The following IFIH1 variants were observed in gnomAD, a reference collection of about 807,000 sequenced individuals.
IFIH1 encodes interferon induced with helicase C domain 1, also known as interferon-induced helicase C domain-containing protein 1.
A neutral mutation model predicts 107.4 loss-of-function variants in IFIH1; 125 were observed. That is an observed-to-expected ratio of 1.16 (90% CI 1.01 to 1.35). The LOEUF is 1.35. IFIH1 is among the 40% of genes most tolerant of loss of function. The pLI, the probability that IFIH1 is intolerant of heterozygous loss-of-function variation, is 0.00. For missense variants in IFIH1, 1,333 were observed against 1,213.7 expected (o/e 1.10, Z -1.46); for synonymous variants, 458 against 413.2 (o/e 1.11, Z -1.31).
chr2:162,292,996 T>C (rs984848166), intron 4 of IFIH1, among the ~76,000 whole-genome samples: 2 of 151,890 alleles, frequency 1.3e-5, no homozygotes, highest in Non-Finnish European at 2.9e-5. Flanking sequence ...CTCTCATTTA[T>C]TGCTGGTGGA....
intron 3 of IFIH1, among the ~76,000 whole-genome samples, chr2:162,296,488 G>A (rs895630659): frequency 6.6e-6 from 1 of 152,116 alleles, no homozygotes; most frequent in Non-Finnish European, 1.5e-5. Flanking sequence ...GATATATCCA[G>A]ATCACACAGC....
intron 3 of IFIH1, among the ~76,000 whole-genome samples, chr2:162,300,709 G>A (rs1277549358): frequency 6.6e-6 from 1 of 152,148 alleles, no homozygotes; most frequent in South Asian, 2.1e-4. Context: ...GTAAAGGAGT[G>A]CTCTTACTTC....
chr2:162,286,433 T>C (rs1341039855), intron 5 of IFIH1, among the ~76,000 whole-genome samples: 2 of 151,902 alleles, frequency 1.3e-5, no homozygotes, highest in East Asian at 3.9e-4. Flanking sequence ...CCTGCAGAAG[T>C]GAGAGAACCA....
At chr2:162,308,198 T>A (rs1558875438) in intron 2 of IFIH1, among the ~76,000 whole-genome samples, 1 of 152,140 alleles carries the variant, frequency 6.6e-6, no homozygotes, top group Non-Finnish European at 1.5e-5. Context: ...AAGATCAAGG[T>A]GACAGCAGGG....
At position 162,288,189 on chromosome 2, in the gene IFIH1, T is replaced by G. The variant is rs183412282; in HGVS notation, c.1041A>C (p.Leu347Phe). 4.2e-5 allele frequency: 67 copies of G among 1,612,756 alleles called. No individual in the cohort carries two copies. The East Asian group carries it at 1.1e-3, about 27-fold the overall frequency. ...GCTCAGATGCTTTTTTCTTCTTGTC[T>G]AAGTGATCCTTGGCAATGTAAACAG... The part of the protein sequence containing the change: ...RVAVYIAKDH[L>F]DKKKKASEPG... Residue 347 changes from leucine (L) to phenylalanine (F), a missense_variant, in exon 5 of 16, where the codon TTA (leucine) becomes TTC (phenylalanine). By Grantham distance (22) the Leu-to-Phe change is conservative. Transcript: ENST00000649979.
chr2:162,314,424 C>CT (rs1355757570), intron 1 of IFIH1, among the ~76,000 whole-genome samples: 891 of 60,728 alleles, frequency 0.015, 11 homozygotes, highest in East Asian at 0.042. Flanking sequence ...TCTTTTCTTT[C>CT]TTTCTTTCTT....
intron 5 of IFIH1, among the ~76,000 whole-genome samples, chr2:162,286,359 T>C (rs1205571224): frequency 1.3e-5 from 2 of 151,904 alleles, no homozygotes; most frequent in Non-Finnish European, 2.9e-5. Context: ...TGAATACAAA[T>C]AGGGCTTTCT....
chr2:162,282,785 C>A (rs1682834180), intron 5 of IFIH1, among the ~76,000 whole-genome samples: 1 of 151,810 alleles, frequency 6.6e-6, no homozygotes, highest in African/African-American at 2.4e-5. Flanking sequence ...ATGTCTGGGA[C>A]ACAAAGATAT....
In IFIH1 at chr2:162,304,800, G is replaced by A. The variant is rs373871206; in HGVS notation, c.769+1909C>T. ...GAACATGATAATATTATTCATTCTCGTAGAAGAGAATTCAGGGAAATAAGC... is the reference window on the plus strand; with the variant it reads ...GAACATGATAATATTATTCATTCTCATAGAAGAGAATTCAGGGAAATAAGC... On this transcript the variant is annotated intron_variant, in intron 3 of 15. Transcript: ENST00000649979. Among the ~76,000 whole-genome samples the A allele has an allele frequency of 3.1e-3, 472 of 152,208 alleles. 29 individuals carry two copies. The South Asian group carries it at 0.095, about 31-fold the overall frequency.
chr2:162,281,249 T>C (rs1182509828), intron 7 of IFIH1, 79 bp downstream of exon 7: 14 of 1,097,220 alleles, frequency 1.3e-5, no homozygotes, highest in African/African-American at 4.8e-5. Flanking sequence ...TTGAACTCAA[T>C]CTTATTTAAT....
chr2:162,309,072 A>G (rs1172202970), intron 2 of IFIH1, among the ~76,000 whole-genome samples: 2 of 152,170 alleles, frequency 1.3e-5, no homozygotes, highest in African/African-American at 2.4e-5. Context: ...CAAAAAGGAG[A>G]TATAGGAAAG....
chr2:162,309,913 C>A (rs1683360972), intron 2 of IFIH1, among the ~76,000 whole-genome samples: 1 of 152,304 alleles, frequency 6.6e-6, no homozygotes, highest in Non-Finnish European at 1.5e-5. Flanking sequence ...CATTTTATAA[C>A]AAGGATCACC....
rs1016842161 is a variant in IFIH1 at position 162,289,807 on chromosome 2, T to C, written c.875-1452A>G. Among the ~76,000 whole-genome samples, 9 of 151,970 alleles carry C rather than the reference T, an allele frequency of 5.9e-5. No individual in the cohort carries two copies. In the East Asian group the frequency reaches 1.7e-3, roughly 29 times the overall value. On this transcript the variant is annotated intron_variant, in intron 4 of 15. Transcript: ENST00000649979. ...TTGGATCATCTGCTGATTCATTCAA[T>C]ATGATTTTTATGAAAAACTCATTTA...
Position 162,273,951 on chromosome 2 carries a change from A to G in IFIH1, c.2305-7T>C. On this transcript the variant is annotated splice_region_variant and splice_polypyrimidine_tract_variant and intron_variant, in intron 11 of 15. Transcript: ENST00000649979. ...TGACTTCTTTTTGTTCATTCTGTAG[A>G]AACATTTTAATAAATTAAATTTTGT... 1 of 1,563,392 alleles carries G rather than the reference A, an allele frequency of 6.4e-7. No individual in the cohort carries two copies. Among genetic ancestry groups the G allele is most frequent in the Non-Finnish European group, 8.8e-7 (1 of 1,142,162 alleles).
Position 162,277,702 on chromosome 2 carries a change from A to C in IFIH1, c.1766-9T>G. On this transcript the variant is annotated splice_polypyrimidine_tract_variant and intron_variant, in intron 9 of 15. Coordinates refer to ENST00000649979, the MANE Select transcript of IFIH1 (RefSeq NM_022168.4). Reference sequence around the variant, plus strand: ...ATTTCCTTCTTTTGCAGCTGTGAAAAAATATATTATGTAAGTGAAATAATA... The same window carrying C: ...ATTTCCTTCTTTTGCAGCTGTGAAACAATATATTATGTAAGTGAAATAATA... 6.3e-7 allele frequency: 1 copy of C among 1,598,670 alleles called. No homozygotes were observed. Among genetic ancestry groups the C allele is most frequent in the Non-Finnish European group, 8.5e-7 (1 of 1,173,186 alleles).
At chr2:162,278,499 T>C (rs1444076520) in intron 8 of IFIH1, among the ~76,000 whole-genome samples, 171 bp from the exon 9 acceptor site, 1 of 152,158 alleles carries the variant, frequency 6.6e-6, no homozygotes, top group Admixed American at 6.6e-5. Flanking sequence ...TCAGCTTCTC[T>C]TTTAAGCCTG....
chr2:162,306,978 T>C, intron 2 of IFIH1, 123 bp from the exon 3 acceptor site: 2 of 722,058 alleles, frequency 2.8e-6, no homozygotes, highest in South Asian at 2.0e-5. Context: ...CCTGAATATA[T>C]TTAAATACTT....
At chr2:162,284,790 G>A (rs1022150930) in intron 5 of IFIH1, among the ~76,000 whole-genome samples, 1 of 151,442 alleles carries the variant, frequency 6.6e-6, no homozygotes, top group African/African-American at 2.4e-5. Context: ...CTTTCTTCTA[G>A]ACTGTATATT....
intron 5 of IFIH1, among the ~76,000 whole-genome samples, chr2:162,286,777 T>G (rs558113696): frequency 6.6e-6 from 1 of 152,048 alleles, no homozygotes; most frequent in South Asian, 2.1e-4. Flanking sequence ...TTATGTTACT[T>G]AGTTTCATGA....
Sources: allele counts gnomAD v4.1 joint callset (sites outside exome capture counted in the v4.1 genomes callset), GRCh38; gene constraint gnomAD v4.1.1; transcripts MANE v1.5; gene names NCBI Gene and HGNC (gene_info 2026-07-23, HGNC 2026-07-21).